LANCL2: variants seen among roughly 807,000 people sequenced by gnomAD.
LANCL2 encodes the protein lanC-like protein 2.
A neutral mutation model predicts 56.9 loss-of-function variants in LANCL2; 33 were observed. The observed-to-expected ratio is 0.58, with a 90% CI of 0.44 to 0.78. The LOEUF (loss-of-function observed/expected upper bound fraction) is 0.78. Ranked by LOEUF, LANCL2 falls within the 30% of genes least tolerant of loss-of-function variation. LANCL2 has a pLI of 0.00. For synonymous variants in LANCL2, 233 were observed against 228.2 expected, an observed-to-expected ratio of 1.02 and a Z score of -0.19; for missense variants, 562 against 580.2, an observed-to-expected ratio of 0.97 and a Z score of 0.32.
intron 1 of LANCL2, among the ~76,000 whole-genome samples, chr7:55,383,686 A>C (rs1168287435): frequency 6.6e-6 from 1 of 152,194 alleles, no homozygotes; most frequent in Admixed American, 6.5e-5. Context: ...TAATTTCTGA[A>C]TAACTCCTAT....
intron 6 of LANCL2, among the ~76,000 whole-genome samples, chr7:55,419,517 G>A (rs1790585294): frequency 2.0e-5 from 3 of 149,720 alleles, no homozygotes; most frequent in Middle Eastern, 7.0e-3. Context: ...TTCTCCTGCT[G>A]CAGCCTTCCA....
Position 55,401,140 on chromosome 7 carries a change from G to C in LANCL2, c.679-34G>C, listed in dbSNP as rs201420829. ...TAGACTACAACAGGGTACATATACA[G>C]TTTTAGATTTATGCTGTCTTGTTAT... On this transcript the variant is annotated intron_variant, in intron 4 of 8. Coordinates refer to ENST00000254770, the MANE Select transcript of LANCL2 (RefSeq NM_018697.4). 3.1e-5 allele frequency: 50 copies of C among 1,600,878 alleles called. 1 individual carries two copies. The South Asian group carries it at 4.5e-4, about 14-fold the overall frequency.
chr7:55,411,610 A>G (rs1255398564), intron 5 of LANCL2, among the ~76,000 whole-genome samples: 1 of 152,222 alleles, frequency 6.6e-6, no homozygotes, highest in Non-Finnish European at 1.5e-5. Flanking sequence ...AAGCAAAGCA[A>G]CAAAACAAAA....
intron 5 of LANCL2, among the ~76,000 whole-genome samples, chr7:55,403,806 A>C (rs962865818): frequency 6.6e-6 from 1 of 151,906 alleles, no homozygotes; most frequent in Non-Finnish European, 1.5e-5. Context: ...TCCTGACCTC[A>C]TGATCCGCCC....
At chr7:55,403,413 G>A (rs1364321447) in intron 5 of LANCL2, among the ~76,000 whole-genome samples, 125 of 152,042 alleles carry the variant, frequency 8.2e-4, no homozygotes, top group Non-Finnish European at 3.1e-4. Context: ...GCTTTGGCTC[G>A]GCATCAGGGG....
intron 6 of LANCL2, among the ~76,000 whole-genome samples, chr7:55,416,082 A>G (rs938167481): frequency 6.6e-6 from 1 of 152,092 alleles, no homozygotes; most frequent in African/African-American, 2.4e-5. Context: ...TAGTTTTAGA[A>G]ATTGCCACTT....
At chr7:55,426,829 G>A (rs1790669430) in intron 7 of LANCL2, among the ~76,000 whole-genome samples, 1 of 152,224 alleles carries the variant, frequency 6.6e-6, no homozygotes, top group Non-Finnish European at 1.5e-5. Context: ...CCAGCGAGCG[G>A]GGAGCAGCCA....
At chr7:55,382,090 T>A (rs1790075402) in intron 1 of LANCL2, among the ~76,000 whole-genome samples, 2 of 152,212 alleles carry the variant, frequency 1.3e-5, no homozygotes, top group African/African-American at 4.8e-5. Flanking sequence ...AATGAATGAT[T>A]TTGAGGAGGC....
Position 55,413,649 on chromosome 7 carries a change from C to T in LANCL2, c.1008+1560C>T, listed in dbSNP as rs1022350924. On this transcript the variant is annotated intron_variant, in intron 6 of 8. Coordinates refer to ENST00000254770, the MANE Select transcript of LANCL2 (RefSeq NM_018697.4). The stretch of plus-strand genomic sequence containing the variant: ...CAAGCCAGCACGGCTCTGCCACTGA[C>T]GGGCTGCAGGTGGCTGCGGCCAGCT... 1.5e-3 allele frequency among the ~76,000 whole-genome samples: 230 copies of T among 152,244 alleles called. 3 individuals carry two copies. The highest frequency in any genetic ancestry group is 0.013 in the Admixed American group (194 of 15,288).
At chr7:55,424,789 A>T (rs1035751899) in intron 6 of LANCL2, among the ~76,000 whole-genome samples, 1 of 152,204 alleles carries the variant, frequency 6.6e-6, no homozygotes, top group African/African-American at 2.4e-5. Context: ...AACTGTATTT[A>T]CAGTCGCTCC....
intron 5 of LANCL2, among the ~76,000 whole-genome samples, chr7:55,409,489 G>A (rs1466142102): frequency 6.6e-6 from 1 of 152,160 alleles, no homozygotes; most frequent in African/African-American, 2.4e-5. Context: ...AAAACATCCT[G>A]TCCCCCAAAT....
chr7:55,385,763 C>G (rs1790118431), intron 1 of LANCL2, among the ~76,000 whole-genome samples: 1 of 152,128 alleles, frequency 6.6e-6, no homozygotes, highest in African/African-American at 2.4e-5. Flanking sequence ...GTTTTGAGAT[C>G]AACCGGTCTG....
intron 6 of LANCL2, among the ~76,000 whole-genome samples, chr7:55,416,984 T>TTTTTTTTTTTTTTTTTTTTTTG (rs1790548808): frequency 7.7e-6 from 1 of 130,272 alleles, no homozygotes; most frequent in Non-Finnish European, 1.6e-5. Context: ...TTTTTTTTTT[T>TTTTTTTTTTTTTTTTTTTTTTG]TTTTTTTTTT....
At chr7:55,421,403 A>G (rs749406006) in intron 6 of LANCL2, among the ~76,000 whole-genome samples, 34 of 148,520 alleles carry the variant, frequency 2.3e-4, no homozygotes, top group Non-Finnish European at 4.4e-4. Flanking sequence ...CAGTGGTGCA[A>G]TCTCAGCTCA....
intron 8 of LANCL2, among the ~76,000 whole-genome samples, chr7:55,429,922 G>A (rs1172914532): frequency 6.6e-6 from 1 of 152,268 alleles, no homozygotes; most frequent in African/African-American, 2.4e-5. Context: ...TTATTAAGCC[G>A]TGTGCCTAGC....
At chr7:55,403,763 G>A (rs2128994256) in intron 5 of LANCL2, among the ~76,000 whole-genome samples, 1 of 151,632 alleles carries the variant, frequency 6.6e-6, no homozygotes, top group African/African-American at 2.4e-5. Context: ...GTAGAGACGG[G>A]GTTTCACCAT....
In LANCL2 at chr7:55,431,374, C is replaced by A; in HGVS notation, c.*54C>A. 1 of 1,257,030 alleles carries A rather than the reference C, an allele frequency of 8.0e-7. No homozygotes were observed. Among genetic ancestry groups the A allele is most frequent in the Non-Finnish European group, 1.1e-6 (1 of 872,814 alleles). 77.9% of individuals were successfully genotyped at this position (1,257,030 alleles called of 1,614,324 possible). A position where few individuals can be genotyped will look rare whatever the true frequency, so the allele number is the denominator to read the frequency against. ...ATTTGGACCAAAAGCCACCAGATTGCTTAGTGCCTGACACAGAAACAACTG... is the reference window on the plus strand; with the variant it reads ...ATTTGGACCAAAAGCCACCAGATTGATTAGTGCCTGACACAGAAACAACTG... On this transcript the variant is annotated 3_prime_UTR_variant, in exon 9 of 9. Coordinates refer to ENST00000254770, the MANE Select transcript of LANCL2 (RefSeq NM_018697.4).
intron 2 of LANCL2, among the ~76,000 whole-genome samples, chr7:55,396,666 C>T (rs895827659): frequency 6.6e-6 from 1 of 152,094 alleles, no homozygotes; most frequent in African/African-American, 2.4e-5. Flanking sequence ...TTACCTAGTG[C>T]AACGTGTCCG....
chr7:55,392,224 C>T (rs1255037051), intron 2 of LANCL2, among the ~76,000 whole-genome samples: 1 of 151,740 alleles, frequency 6.6e-6, no homozygotes, highest in Admixed American at 6.6e-5. Flanking sequence ...ACCTGGGAAG[C>T]GGAGGTTGCA....
Sources: allele counts gnomAD v4.1 joint callset (sites outside exome capture counted in the v4.1 genomes callset), GRCh38; gene constraint gnomAD v4.1.1; transcripts MANE v1.5; gene names NCBI Gene and HGNC (gene_info 2026-07-23, HGNC 2026-07-21).